The following ARHGAP29 variants were observed in gnomAD, a reference collection of about 807,000 sequenced individuals.
ARHGAP29 encodes the protein rho GTPase-activating protein 29.
ARHGAP29 carries 43 observed loss-of-function variants against 122.6 expected under a neutral mutation model. That is an observed-to-expected ratio of 0.35 (90% CI 0.27 to 0.45). ARHGAP29 has a LOEUF of 0.45. ARHGAP29 is among the 20% of genes least tolerant of loss of function. The pLI is 1.00. For missense variants in ARHGAP29, 1,303 were observed against 1,477.2 expected, an observed-to-expected ratio of 0.88 and a Z score of 1.93; for synonymous variants, 506 against 497.1, an observed-to-expected ratio of 1.02 and a Z score of -0.24.
chr1:94,193,883 T>A (rs1650279516), intron 12 of ARHGAP29: 1 of 152,158 alleles, frequency 6.6e-6, no homozygotes, highest in Non-Finnish European at 1.5e-5. Flanking sequence ...AATAGACTAC[T>A]TTTTTCCTCT....
In ARHGAP29 at chr1:94,185,367, A is replaced by C. The variant is rs1240618636; in HGVS notation, c.1895T>G (p.Val632Gly). The C allele has an allele frequency of 2.5e-6, 4 of 1,609,146 alleles. No homozygotes were observed. The highest frequency in any genetic ancestry group is 3.4e-6 in the Non-Finnish European group (4 of 1,177,982). The change falls in exon 17 of 23, where the codon GTG becomes GGG. Residue 632 changes from valine (V) to glycine (G), a missense_variant. Around this residue, in one of 3 missense-constraint regions of ARHGAP29, gnomAD observed 91 missense variants for 177.8 expected, o/e 0.51. Transcript: ENST00000260526. Reference sequence around the variant, plus strand: ...CTCTTCACATTCAACACCTTGGAACACTACAATGCCTTCACAATCCCTACA... The same window carrying C: ...CTCTTCACATTCAACACCTTGGAACCCTACAATGCCTTCACAATCCCTACA... ...TKCRDCEGIV[V>G]FQGVECEECL...
chr1:94,300,049 T>G, the ARHGAP29 span, among the ~76,000 whole-genome samples: 1 of 152,220 alleles, frequency 6.6e-6, no homozygotes, highest in East Asian at 1.9e-4. Flanking sequence ...TATGCCAGTG[T>G]GCAGCAGATT....
At chr1:94,193,745 C>T (rs1262715721) in intron 12 of ARHGAP29, 1 of 152,174 alleles carries the variant, frequency 6.6e-6, no homozygotes, top group Non-Finnish European at 1.5e-5. Flanking sequence ...ATATGAAACA[C>T]AACCAAGTGA....
chr1:94,184,185 T>C lies in ARHGAP29; in HGVS notation c.2213A>G (p.Asp738Gly). ...LVDISEFSSH[D>G]ICDVLKLYLR... The stretch of plus-strand genomic sequence containing the variant: ...GTATAATTTCAAGACGTCACAGATA[T>C]CATGTGAACTAAATTCTGAAATATC... Residue 738 changes from aspartate (D) to glycine (G), a missense_variant, in exon 19 of 23, where the codon GAT (aspartate) becomes GGT (glycine). Transcript: ENST00000260526. The C allele has an allele frequency of 6.2e-7, 1 of 1,609,584 alleles. No homozygotes were observed. Among genetic ancestry groups the C allele is most frequent in the Non-Finnish European group, 8.5e-7 (1 of 1,178,532 alleles).
chr1:94,219,313 T>C (rs916011762), intron 3 of ARHGAP29, among the ~76,000 whole-genome samples: 2 of 152,080 alleles, frequency 1.3e-5, no homozygotes, highest in Non-Finnish European at 2.9e-5. Flanking sequence ...GTTTCTCCAA[T>C]TCCTCTGTAT....
rs1460640842 is a variant in ARHGAP29 at position 94,172,521 on chromosome 1, C to T, written c.*1348G>A. 1 of 151,614 alleles carries T rather than the reference C, an allele frequency of 6.6e-6. No individual in the cohort carries two copies. Among genetic ancestry groups the T allele is most frequent in the East Asian group, 1.9e-4 (1 of 5,182 alleles). 9.4% of individuals were successfully genotyped at this position (151,614 alleles called of 1,614,324 possible). On this transcript the variant is annotated 3_prime_UTR_variant, in exon 23 of 23. Coordinates refer to ENST00000260526, the MANE Select transcript of ARHGAP29 (RefSeq NM_004815.4). The stretch of plus-strand genomic sequence containing the variant: ...GATGTATGATCCTAGGTGTTGACTT[C>T]TAAGCCAATGGTTAATAACCTTAAA...
rs186594167 is a variant in ARHGAP29, at chr1:94,223,626, T to C, written c.206-3234A>G. Among the ~76,000 whole-genome samples the C allele has an allele frequency of 3.3e-3, 498 of 152,114 alleles. 7 individuals carry two copies. The highest frequency in any genetic ancestry group is 0.011 in the African/African-American group (475 of 41,494). On this transcript the variant is annotated intron_variant, in intron 2 of 22. Transcript: ENST00000260526. ...ATACATACATACATATATTTACATA[T>C]ATATGTATGTATATAGCCAAAACCT...
the ARHGAP29 span, among the ~76,000 whole-genome samples, chr1:94,283,324 G>T: frequency 6.6e-6 from 1 of 152,234 alleles, no homozygotes; most frequent in East Asian, 1.9e-4. Context: ...TGGTTACCAT[G>T]CACACATGGC....
intron 2 of ARHGAP29, among the ~76,000 whole-genome samples, chr1:94,220,644 C>T (rs771600814): frequency 3.3e-5 from 5 of 152,084 alleles, no homozygotes; most frequent in Non-Finnish European, 7.4e-5. Flanking sequence ...CTTCATTTTT[C>T]AGTTTTCTCA....
At chr1:94,179,525 C>T (rs1329326194) in intron 20 of ARHGAP29, among the ~76,000 whole-genome samples, 200 bp downstream of exon 20, 5 of 131,948 alleles carry the variant, frequency 3.8e-5, no homozygotes, top group South Asian at 2.5e-4. Context: ...ACCCAGGAGG[C>T]GAGGCTGCAG....
chr1:94,298,664 G>A, the ARHGAP29 span, among the ~76,000 whole-genome samples: 6 of 152,284 alleles, frequency 3.9e-5, no homozygotes, highest in East Asian at 1.2e-3. Context: ...AAAGAGAAAT[G>A]AGATACATTT....
the ARHGAP29 span, among the ~76,000 whole-genome samples, chr1:94,290,096 A>G: frequency 1.3e-5 from 2 of 152,304 alleles, no homozygotes; most frequent in East Asian, 3.9e-4. Context: ...CTCTGGTAGA[A>G]TTTGGCTGTG....
At chr1:94,211,392 A>G (rs1184173850) in intron 3 of ARHGAP29, among the ~76,000 whole-genome samples, 4 of 152,050 alleles carry the variant, frequency 2.6e-5, no homozygotes, top group African/African-American at 9.7e-5. Flanking sequence ...AAAAACACAT[A>G]AATTCACAGT....
At chr1:94,189,139 C>A (rs1649982957) in intron 14 of ARHGAP29, 77 bp downstream of exon 14, 2 of 1,503,188 alleles carry the variant, frequency 1.3e-6, no homozygotes, top group African/African-American at 1.4e-5. Flanking sequence ...AATTCCAGAG[C>A]ACCAATTAAT....
chr1:94,269,907 T>G (rs1326557684), intron 1 of ARHGAP29, among the ~76,000 whole-genome samples: 1 of 152,082 alleles, frequency 6.6e-6, no homozygotes, highest in Non-Finnish European at 1.5e-5. Context: ...GGCCCATGAA[T>G]CCAGATAGAG....
At chr1:94,253,074 A>G (rs1364022889) in intron 1 of ARHGAP29, among the ~76,000 whole-genome samples, 1 of 151,832 alleles carries the variant, frequency 6.6e-6, no homozygotes, top group Non-Finnish European at 1.5e-5. Flanking sequence ...GGGTTCAAAC[A>G]ATTCTCCTGC....
chr1:94,266,243 G>A (rs961220942), intron 1 of ARHGAP29, among the ~76,000 whole-genome samples: 9 of 152,166 alleles, frequency 5.9e-5, no homozygotes, highest in South Asian at 2.1e-4. Flanking sequence ...CAAAAGCCAG[G>A]CATTGAATGA....
At chr1:94,273,605 A>T (rs11165103) in intron 1 of ARHGAP29, among the ~76,000 whole-genome samples, 1 of 152,190 alleles carries the variant, frequency 6.6e-6, no homozygotes, top group Non-Finnish European at 1.5e-5. Flanking sequence ...ATAGACAATT[A>T]GGGGATAAAT....
chr1:94,211,303 A>AC (rs755097831), intron 3 of ARHGAP29, among the ~76,000 whole-genome samples: 10,778 of 147,996 alleles, frequency 0.073, 919 homozygotes, highest in African/African-American at 0.15. Flanking sequence ...AAAAAAAAAA[A>AC]AAAAAAAAAA....
Sources: allele counts gnomAD v4.1 joint callset (sites outside exome capture counted in the v4.1 genomes callset), GRCh38; gene constraint gnomAD v4.1.1; regional missense constraint gnomAD v4.1.1; transcripts MANE v1.5; gene names NCBI Gene and HGNC (gene_info 2026-07-23, HGNC 2026-07-21).